RGS16: variants seen among roughly 807,000 people sequenced by gnomAD.
RGS16 encodes hRGS-r.
RGS16 carries 12 observed loss-of-function variants against 18.1 expected under a neutral mutation model. The ratio of observed to expected loss-of-function variants is 0.66; its 90% confidence interval spans 0.42 to 1.07. RGS16 has a LOEUF of 1.07. Ranked by LOEUF, RGS16 falls within the 50% of genes least tolerant of loss-of-function variation. The pLI is 0.00. For synonymous variants in RGS16, 88 were observed against 102.0 expected, an observed-to-expected ratio of 0.86 and a Z score of 0.83; for missense variants, 238 against 249.2, an observed-to-expected ratio of 0.95 and a Z score of 0.30.
intron 4 of RGS16, 42 bp from the exon 5 acceptor site, chr1:182,600,555 G>C: frequency 6.3e-7 from 1 of 1,576,106 alleles, no homozygotes; most frequent in East Asian, 2.2e-5. Flanking sequence ...TGGGGAAGAG[G>C]GTGGGCATGG....
At chr1:182,602,191 G>C in intron 3 of RGS16, 59 bp from the exon 4 acceptor site, 1 of 1,568,934 alleles carries the variant, frequency 6.4e-7, no homozygotes, top group Non-Finnish European at 8.7e-7. Context: ...GGGAATACAA[G>C]AAGAAAGGAA....
Position 182,599,742 on chromosome 1 carries a change from A to G in RGS16, c.*550T>C, listed in dbSNP as rs1241914501. 6.3e-6 allele frequency: 1 copy of G among 157,962 alleles called. No individual in the cohort carries two copies. Among genetic ancestry groups the G allele is most frequent in the East Asian group, 1.9e-4 (1 of 5,326 alleles). The allele number at this position is 157,962 out of a possible 1,614,324, so 9.8% of individuals were successfully genotyped here. ...CAGACACACAGGAGTGTTACGAGGTACAAGCTAAGGGACTCTGGGCTAGCC... is the reference window on the plus strand; with the variant it reads ...CAGACACACAGGAGTGTTACGAGGTGCAAGCTAAGGGACTCTGGGCTAGCC... On this transcript the variant is annotated 3_prime_UTR_variant, in exon 5 of 5. Coordinates refer to ENST00000367558, the MANE Select transcript of RGS16 (RefSeq NM_002928.4).
At chr1:182,601,583 C>T (rs958858628) in intron 4 of RGS16, among the ~76,000 whole-genome samples, 2 of 152,172 alleles carry the variant, frequency 1.3e-5, no homozygotes, top group Non-Finnish European at 2.9e-5. Flanking sequence ...ACAAAAAAAT[C>T]ACAGACCACA....
In RGS16 at chr1:182,598,900, A is replaced by C. The variant is rs1357229145; in HGVS notation, c.*1392T>G. On this transcript the variant is annotated 3_prime_UTR_variant, in exon 5 of 5. Coordinates refer to ENST00000367558, the MANE Select transcript of RGS16 (RefSeq NM_002928.4). ...AATAATAAATAACAACAGCACCAAC[A>C]ATAACAAAAACAATGTTATGACAAT... 2 of 152,666 alleles carry C rather than the reference A, an allele frequency of 1.3e-5. No homozygotes were observed. The highest frequency in any genetic ancestry group is 2.9e-5 in the Non-Finnish European group (2 of 68,058). 9.5% of individuals were successfully genotyped at this position (152,666 alleles called of 1,614,324 possible). A position where few individuals can be genotyped will look rare whatever the true frequency, so the allele number is the denominator to read the frequency against.
At position 182,599,439 on chromosome 1, in the gene RGS16, G is replaced by C. The variant is rs1204710767; in HGVS notation, c.*853C>G. ...CGAGGCCTCCACACTTTGTTCTCCT[G>C]GGCCCTGCCTCCAAGAGACAGCACA... On this transcript the variant is annotated 3_prime_UTR_variant, in exon 5 of 5. Transcript: ENST00000367558. 1.3e-5 allele frequency: 2 copies of C among 152,412 alleles called. No homozygotes were observed. Among genetic ancestry groups the C allele is most frequent in the Admixed American group, 6.5e-5 (1 of 15,278 alleles). 9.4% of individuals were successfully genotyped at this position (152,412 alleles called of 1,614,324 possible). A position where few individuals can be genotyped will look rare whatever the true frequency, so the allele number is the denominator to read the frequency against.
intron 1 of RGS16, among the ~76,000 whole-genome samples, 176 bp from the exon 2 acceptor site, chr1:182,603,515 C>G (rs1661901656): frequency 6.6e-6 from 1 of 152,086 alleles, no homozygotes; most frequent in Non-Finnish European, 1.5e-5. Context: ...CATCATCAAC[C>G]CCAAAGCAAC....
At position 182,599,437 on chromosome 1, in the gene RGS16, C is replaced by G. The variant is rs1661822298; in HGVS notation, c.*855G>C. ...CCCGAGGCCTCCACACTTTGTTCTCCTGGGCCCTGCCTCCAAGAGACAGCA... is the reference window on the plus strand; with the variant it reads ...CCCGAGGCCTCCACACTTTGTTCTCGTGGGCCCTGCCTCCAAGAGACAGCA... On this transcript the variant is annotated 3_prime_UTR_variant, in exon 5 of 5. Transcript: ENST00000367558. 1 of 152,444 alleles carries G rather than the reference C, an allele frequency of 6.6e-6. No individual in the cohort carries two copies. Among genetic ancestry groups the G allele is most frequent in the Non-Finnish European group, 1.5e-5 (1 of 68,150 alleles). 9.4% of individuals were successfully genotyped at this position (152,444 alleles called of 1,614,324 possible). A position where few individuals can be genotyped will look rare whatever the true frequency, so the allele number is the denominator to read the frequency against.
At chr1:182,604,087 T>G in intron 1 of RGS16, 129 bp downstream of exon 1, 1 of 858,764 alleles carries the variant, frequency 1.2e-6, no homozygotes, top group Non-Finnish European at 1.8e-6. Flanking sequence ...TGGCATCAAG[T>G]GCGCTTCTAC....
intron 2 of RGS16, among the ~76,000 whole-genome samples, 158 bp downstream of exon 2, chr1:182,603,071 T>C (rs1259195380): frequency 1.3e-5 from 2 of 152,152 alleles, no homozygotes; most frequent in Non-Finnish European, 2.9e-5. Flanking sequence ...ATGAGCCAAG[T>C]AGTCATAACA....
intron 1 of RGS16, 63 bp from the exon 2 acceptor site, chr1:182,603,402 T>C: frequency 7.2e-7 from 1 of 1,396,986 alleles, no homozygotes; most frequent in Non-Finnish European, 1.0e-6. Flanking sequence ...TGGAGAGGTT[T>C]ATGGGTCCCA....
In RGS16 at chr1:182,600,311, T is replaced by G. The variant is rs116402450; in HGVS notation, c.590A>C (p.Asp197Ala). 3,213 of 1,613,874 alleles carry G rather than the reference T, an allele frequency of 2.0e-3. 65 individuals are homozygous for G. The African/African-American group carries it at 0.035, about 18-fold the overall frequency. Reference sequence around the variant, plus strand: ...GGAGACTCAGGTGTGTGAGGGCTCGTCCAGGCTGCAGCTGGACAGAGTGGC... The same window carrying G: ...GGAGACTCAGGTGTGTGAGGGCTCGGCCAGGCTGCAGCTGGACAGAGTGGC... Reference protein sequence around the residue: ...ASATLSSCSLDEPSHT With the variant: ...ASATLSSCSLAEPSHT Residue 197 changes from aspartate to alanine, a missense_variant, in exon 5 of 5, where the codon GAC becomes GCC. Physicochemically the swap from Asp to Ala is moderately radical, Grantham distance 126 (BLOSUM62 -2). Transcript: ENST00000367558.
rs564804029 is a variant in RGS16, at chr1:182,604,365, C to T, written c.-106G>A. ...CGCGGTAGCAGGTGCTAGTCAACTG[C>T]GGTTGGGTTTAGCAGCCTGCAAGCG... is the stretch of plus-strand genomic sequence containing the variant. On this transcript the variant is annotated 5_prime_UTR_variant, in exon 1 of 5. Transcript: ENST00000367558. 1.2e-4 allele frequency: 142 copies of T among 1,208,380 alleles called. No homozygotes were observed. The highest frequency in any genetic ancestry group is 1.4e-4 in the Non-Finnish European group (121 of 878,618). The allele number at this position is 1,208,380 out of a possible 1,614,324, so 74.9% of individuals were successfully genotyped here.
rs1323617199 is a variant in RGS16 at position 182,603,261 on chromosome 1, C to A, written c.123G>T (p.Lys41Asn). The change falls in exon 2 of 5, where the codon AAG (lysine) becomes AAT (asparagine). Residue 41 changes from lysine (K) to asparagine (N), a missense_variant. Transcript: ENST00000367558. ...TGCTGTGTTTACTGCCCCACTCGAA[C>A]TTGCCAGTACTCCCAGTATCGCAGC... Reference protein sequence around the residue: ...ELGCDTGSTGKFEWGSKHSKE... With the variant: ...ELGCDTGSTGNFEWGSKHSKE... 1 of 1,614,006 alleles carries A rather than the reference C, an allele frequency of 6.2e-7. No individual in the cohort carries two copies. The highest frequency in any genetic ancestry group is 8.5e-7 in the Non-Finnish European group (1 of 1,179,964).
chr1:182,604,376 A>C lies in RGS16; in HGVS notation c.-117T>G, dbSNP rs543452790. 30 of 1,022,394 alleles carry C rather than the reference A, an allele frequency of 2.9e-5. No homozygotes were observed. The South Asian group carries it at 4.5e-4, about 15-fold the overall frequency. 63.3% of individuals were successfully genotyped at this position (1,022,394 alleles called of 1,614,324 possible). Reference sequence around the variant, plus strand: ...GTGCTAGTCAACTGCGGTTGGGTTTAGCAGCCTGCAAGCGCCCAGACTGAG... The same window carrying C: ...GTGCTAGTCAACTGCGGTTGGGTTTCGCAGCCTGCAAGCGCCCAGACTGAG... On this transcript the variant is annotated 5_prime_UTR_variant, in exon 1 of 5. Transcript: ENST00000367558.
At chr1:182,603,814 A>C (rs940054035) in intron 1 of RGS16, among the ~76,000 whole-genome samples, 1 of 147,026 alleles carries the variant, frequency 6.8e-6, no homozygotes, top group African/African-American at 2.5e-5. Context: ...CACACACCCC[A>C]CCAAAAAAAA....
chr1:182,602,635 A>G, intron 2 of RGS16, 151 bp from the exon 3 acceptor site: 3 of 683,850 alleles, frequency 4.4e-6, no homozygotes, highest in Non-Finnish European at 7.5e-6. Flanking sequence ...TCAAACTCTT[A>G]GTTGGACTTA....
chr1:182,603,853 G>A (rs1370092786), intron 1 of RGS16, among the ~76,000 whole-genome samples: 3 of 152,074 alleles, frequency 2.0e-5, no homozygotes, highest in South Asian at 2.1e-4. Flanking sequence ...CAGGGGCAGA[G>A]GAGGCAATGC....
chr1:182,600,343 G>T lies in RGS16; in HGVS notation c.558C>A (p.Ala186=). The change falls in exon 5 of 5, where the codon GCC becomes GCA. Residue 186 remains alanine (A), a synonymous_variant. Transcript: ENST00000367558. ...AYRDLAAQAS[A]ASATLSSCSL... ...TGCAGCTGGACAGAGTGGCAGAGGC[G>T]GCTGAGGCTTGGGCAGCCAGGTCCC... 1.2e-6 allele frequency: 2 copies of T among 1,613,934 alleles called. No individual in the cohort carries two copies. Among genetic ancestry groups the T allele is most frequent in the South Asian group, 2.2e-5 (2 of 91,070 alleles).
intron 1 of RGS16, 24 bp downstream of exon 1, chr1:182,604,192 A>G: frequency 1.3e-6 from 2 of 1,551,432 alleles, no homozygotes; most frequent in Non-Finnish European, 1.7e-6. Context: ...ACTTCCCCCA[A>G]GCAGTTGGAC....
Sources: allele counts gnomAD v4.1 joint callset (sites outside exome capture counted in the v4.1 genomes callset), GRCh38; gene constraint gnomAD v4.1.1; transcripts MANE v1.5; gene names NCBI Gene and HGNC (gene_info 2026-07-23, HGNC 2026-07-21).